MROH7: variants seen among roughly 807,000 people sequenced by gnomAD.
The protein encoded by MROH7 is maestro heat like repeat family member 7, also known as maestro heat-like repeat-containing protein family member 7.
In MROH7, 113 loss-of-function variants were observed where a neutral mutation model predicts 129.2. The ratio of observed to expected loss-of-function variants is 0.87; its 90% CI spans 0.75 to 1.02. The LOEUF (loss-of-function observed/expected upper bound fraction) is 1.02, where lower values mean the gene tolerates loss of function less well. Among genes scored for constraint, MROH7 ranks in the 50% least tolerant of loss-of-function variants. The pLI is 0.00. For missense variants in MROH7, 1,601 were observed against 1,671.3 expected (o/e 0.96, Z 0.73); for synonymous variants, 655 against 667.9 (o/e 0.98, Z 0.30).
At chr1:54,706,735 G>C (rs1199953120) in intron 22 of MROH7, among the ~76,000 whole-genome samples, 198 bp downstream of exon 22, 1 of 152,226 alleles carries the variant, frequency 6.6e-6, no homozygotes, top group Non-Finnish European at 1.5e-5. Context: ...GTGAGCTACA[G>C]GCTGGATTCA....
chr1:54,704,042 G>A (rs1205762783), intron 21 of MROH7, among the ~76,000 whole-genome samples: 1 of 152,126 alleles, frequency 6.6e-6, no homozygotes, highest in Non-Finnish European at 1.5e-5. Flanking sequence ...CGTGTGAAGG[G>A]ACATCTGAGT....
chr1:54,680,141 C>A, intron 13 of MROH7, 96 bp downstream of exon 13: 1 of 1,187,008 alleles, frequency 8.4e-7, no homozygotes, highest in South Asian at 1.3e-5. Flanking sequence ...ATAAGCCCCT[C>A]GCCCTCCCAG....
At chr1:54,651,810 C>CTCTCTG (rs148778686) in intron 1 of MROH7, 139 bp from the exon 2 acceptor site, 3,452 of 141,384 alleles carry the variant, frequency 0.024, 73 homozygotes, top group African/African-American at 0.042. Context: ...CTCTCTCTCT[C>CTCTCTG]TGTGTGTGTG....
chr1:54,668,627 T>C (rs1403367239), intron 4 of MROH7, among the ~76,000 whole-genome samples: 1 of 152,184 alleles, frequency 6.6e-6, no homozygotes, highest in African/African-American at 2.4e-5. Context: ...CCCTCATATC[T>C]GGTCCTCTTC....
In MROH7 at chr1:54,710,032, C is replaced by T. The variant is rs1351964040; in HGVS notation, c.3817C>T (p.Gln1273Ter). The change falls in exon 24 of 24, where the codon CAG becomes TAG. Residue 1273 changes from glutamine (Q) to a stop codon, truncating the protein, a stop_gained. Coordinates refer to ENST00000421030, the MANE Select transcript of MROH7 (RefSeq NM_001039464.4). LOFTEE classifies it high-confidence loss of function. ...GGACCACATCCTGGCCAGCTGCTGGCAGAACTCCTGGCTGCCGCACGGGAA... is the reference window on the plus strand; with the variant it reads ...GGACCACATCCTGGCCAGCTGCTGGTAGAACTCCTGGCTGCCGCACGGGAA... ...VQDHILASCW[Q>*]NSWLPHGNSW... 3 of 1,614,124 alleles carry T rather than the reference C, an allele frequency of 1.9e-6. No individual in the cohort carries two copies. In the South Asian group the frequency reaches 3.3e-5, roughly 18 times the overall value.
intron 7 of MROH7, 58 bp downstream of exon 7, chr1:54,670,987 A>G (rs1644893064): frequency 4.6e-6 from 7 of 1,519,912 alleles, no homozygotes; most frequent in Non-Finnish European, 5.3e-6. Context: ...GGGAGGAGAT[A>G]TGGAGCTGCA....
At chr1:54,650,972 G>T (rs1644545671) in intron 1 of MROH7, among the ~76,000 whole-genome samples, 1 of 152,010 alleles carries the variant, frequency 6.6e-6, no homozygotes, top group Non-Finnish European at 1.5e-5. Context: ...CAATCCTCCT[G>T]CGTCCGCCTT....
chr1:54,671,571 G>C (rs1644904626), intron 7 of MROH7, among the ~76,000 whole-genome samples: 1 of 152,230 alleles, frequency 6.6e-6, no homozygotes, highest in African/African-American at 2.4e-5. Flanking sequence ...GAGGCCTGGA[G>C]AAGCAGAACC....
At chr1:54,655,893 ATTT>A (rs372850123) in intron 3 of MROH7, among the ~76,000 whole-genome samples, 129 of 133,620 alleles carry the variant, frequency 9.7e-4, no homozygotes, top group Middle Eastern at 4.1e-3. Flanking sequence ...ACTTTATAGT[ATTT>A]TTTTTTTTTT....
At chr1:54,646,318 G>C (rs1470118636) in intron 1 of MROH7, among the ~76,000 whole-genome samples, 1 of 122,656 alleles carries the variant, frequency 8.2e-6, no homozygotes, top group African/African-American at 3.3e-5. Flanking sequence ...CCTCTCTGTT[G>C]GGCTTCCTCT....
rs536794118 is a variant in MROH7 at position 54,665,268 on chromosome 1, A to G, written c.1305+28A>G. On this transcript the variant is annotated intron_variant, in intron 4 of 23. Coordinates refer to ENST00000421030, the MANE Select transcript of MROH7 (RefSeq NM_001039464.4). Reference sequence around the variant, plus strand: ...ATGCCTCCTGCCCAACCCCTAGCTGACTGTGCTGGGATACTTCCATCCTGC... The same window carrying G: ...ATGCCTCCTGCCCAACCCCTAGCTGGCTGTGCTGGGATACTTCCATCCTGC... 3.1e-6 allele frequency: 5 copies of G among 1,597,164 alleles called. No homozygotes were observed. The African/African-American group carries it at 6.7e-5, about 21-fold the overall frequency.
In MROH7 at chr1:54,679,451, TG is replaced by T; in HGVS notation, c.2226+17del. 2 of 1,609,788 alleles carry T rather than the reference TG, an allele frequency of 1.2e-6. No homozygotes were observed. The highest frequency in any genetic ancestry group is 1.7e-6 in the Non-Finnish European group (2 of 1,177,384). ...GGGCGCTGGAGGTGGTAAGGCCTCCTGGGGGCAGGGAGTGAACTGTCACTGG... is the reference window on the plus strand; with the variant it reads ...GGGCGCTGGAGGTGGTAAGGCCTCCTGGGGCAGGGAGTGAACTGTCACTGG... On this transcript the variant is annotated intron_variant, in intron 12 of 23. Transcript: ENST00000421030.
intron 3 of MROH7, among the ~76,000 whole-genome samples, chr1:54,664,570 T>C (rs1339664923): frequency 7.2e-5 from 11 of 151,960 alleles, no homozygotes; most frequent in Admixed American, 6.6e-4. Context: ...AGGCAAGTGG[T>C]GGGAGATAAG....
chr1:54,691,412 C>G (rs1645235186), intron 15 of MROH7, among the ~76,000 whole-genome samples: 1 of 152,236 alleles, frequency 6.6e-6, no homozygotes, highest in Non-Finnish European at 1.5e-5. Context: ...GGTATGTCCA[C>G]AAAGTGCACC....
intron 17 of MROH7, among the ~76,000 whole-genome samples, chr1:54,696,371 A>G (rs1645322008): frequency 1.3e-5 from 2 of 152,166 alleles, no homozygotes; most frequent in South Asian, 4.1e-4. Context: ...GTACAGTCCA[A>G]TGACATTAAT....
chr1:54,701,804 C>G (rs189308166), intron 19 of MROH7, among the ~76,000 whole-genome samples: 1 of 151,946 alleles, frequency 6.6e-6, no homozygotes, highest in Non-Finnish European at 1.5e-5. Context: ...CTGGGACTCA[C>G]GTGATCCACC....
chr1:54,687,654 T>C (rs1645169717), intron 15 of MROH7, among the ~76,000 whole-genome samples: 1 of 152,156 alleles, frequency 6.6e-6, no homozygotes, highest in South Asian at 2.1e-4. Flanking sequence ...AAGGATAAAA[T>C]GGAGTGACTC....
rs1645449428 is a variant in MROH7 at position 54,702,170 on chromosome 1, C to T, written c.3366C>T (p.Ala1122=). The T allele has an allele frequency of 6.2e-7, 1 of 1,608,168 alleles. No individual in the cohort carries two copies. The highest frequency in any genetic ancestry group is 8.5e-7 in the Non-Finnish European group (1 of 1,177,662). ...VQKLRAPRTQ[A]MEEQLVSTLV... ...AGCTTCGGGCACCACGCACTCAGGC[C>T]ATGGAGGAGCAGCTGGTCAGCACCT... Residue 1122 remains alanine (A), a synonymous_variant, in exon 20 of 24, where the codon GCC becomes GCT. Coordinates refer to ENST00000421030, the MANE Select transcript of MROH7 (RefSeq NM_001039464.4).
In MROH7 at chr1:54,702,129, G is replaced by A. The variant is rs1232260569; in HGVS notation, c.3325G>A (p.Gly1109Arg). The change falls in exon 20 of 24, where the codon GGG becomes AGG. Residue 1109 changes from glycine to arginine, a missense_variant. Transcript: ENST00000421030. ...GCGCTCCTCCTGCATCAACCTGTAT[G>A]GGAAGGTGGTCCAGAAGCTTCGGGC... ...VVRSSCINLY[G>R]KVVQKLRAPR... 1 of 1,611,932 alleles carries A rather than the reference G, an allele frequency of 6.2e-7. No homozygotes were observed. Among genetic ancestry groups the A allele is most frequent in the South Asian group, 1.1e-5 (1 of 90,716 alleles).
Sources: allele counts gnomAD v4.1 joint callset (sites outside exome capture counted in the v4.1 genomes callset), GRCh38; gene constraint gnomAD v4.1.1; transcripts MANE v1.5; gene names NCBI Gene and HGNC (gene_info 2026-07-23, HGNC 2026-07-21).